The following ALOX5 variants were observed in gnomAD, a reference collection of about 807,000 sequenced individuals.
The protein encoded by ALOX5 is arachidonate 5-lipoxygenase.
ALOX5 carries 64 observed loss-of-function variants against 87.9 expected under a neutral mutation model. That is an observed-to-expected ratio of 0.73 (90% CI 0.60 to 0.90). The LOEUF (loss-of-function observed/expected upper bound fraction) is 0.90, where lower values mean the gene tolerates loss of function less well. Ranked by LOEUF, ALOX5 falls within the 40% of genes least tolerant of loss-of-function variation. The pLI, the probability that ALOX5 is intolerant of heterozygous loss-of-function variation, is 0.00. For synonymous variants in ALOX5, 388 were observed against 355.1 expected, an observed-to-expected ratio of 1.09 and a Z score of -1.04; for missense variants, 822 against 907.5, an observed-to-expected ratio of 0.91 and a Z score of 1.21.
chr10:45,429,145 C>T (rs758704051), intron 7 of ALOX5, among the ~76,000 whole-genome samples: 5 of 152,158 alleles, frequency 3.3e-5, no homozygotes, highest in Non-Finnish European at 7.3e-5. Flanking sequence ...CCAGGCCAGT[C>T]CTGGTATGCC....
intron 3 of ALOX5, among the ~76,000 whole-genome samples, chr10:45,397,319 G>C (rs1840549484): frequency 6.6e-6 from 1 of 152,216 alleles, no homozygotes; most frequent in African/African-American, 2.4e-5. Context: ...GGCGGAGGTT[G>C]CAGTGAGCTG....
intron 3 of ALOX5, among the ~76,000 whole-genome samples, chr10:45,396,457 A>G (rs1229614412): frequency 6.6e-6 from 1 of 152,228 alleles, no homozygotes; most frequent in African/African-American, 2.4e-5. Flanking sequence ...AATACTATGA[A>G]CAATTGCATG....
chr10:45,443,452 C>T lies in ALOX5; in HGVS notation c.1488C>T (p.Gly496=). 6.2e-7 allele frequency: 1 copy of T among 1,611,502 alleles called. No homozygotes were observed. The highest frequency in any genetic ancestry group is 8.5e-7 in the Non-Finnish European group (1 of 1,178,940). ...TAEVVDIYYE[G]DQVVEEDPEL... is the part of the protein sequence containing the mutation. ...AGGTGGTAGACATCTACTACGAGGGCGACCAGGTGGTGGAGGAGGACCCGG... is the reference window on the plus strand; with the variant it reads ...AGGTGGTAGACATCTACTACGAGGGTGACCAGGTGGTGGAGGAGGACCCGG... The change falls in exon 11 of 14, where the codon GGC becomes GGT. Residue 496 remains glycine (G), a synonymous_variant. Coordinates refer to ENST00000374391, the MANE Select transcript of ALOX5 (RefSeq NM_000698.5).
In ALOX5 at chr10:45,444,298, C is replaced by A. The variant is rs1842360831; in HGVS notation, c.1845+12C>A. 1 of 1,545,320 alleles carries A rather than the reference C, an allele frequency of 6.5e-7. No homozygotes were observed. Among genetic ancestry groups the A allele is most frequent in the Non-Finnish European group, 8.7e-7 (1 of 1,143,504 alleles). On this transcript the variant is annotated intron_variant, in intron 13 of 13. Transcript: ENST00000374391. ...TCCAGGAAAACGAGGTGAAGCTGGG[C>A]AGGGCGGGGCACAGCCCCAGGTCAC...
At chr10:45,405,260 C>T (rs1840836436) in intron 3 of ALOX5, among the ~76,000 whole-genome samples, 1 of 152,158 alleles carries the variant, frequency 6.6e-6, no homozygotes, top group Admixed American at 6.5e-5. Flanking sequence ...AATCCTTTCA[C>T]AAAATTGTAT....
chr10:45,377,401 C>A (rs1839656365), intron 1 of ALOX5, among the ~76,000 whole-genome samples: 1 of 151,366 alleles, frequency 6.6e-6, no homozygotes. Flanking sequence ...CCCGTTTCTG[C>A]TCTCTACCCT....
At chr10:45,407,843 A>G (rs1332426037) in intron 3 of ALOX5, among the ~76,000 whole-genome samples, 3 of 152,190 alleles carry the variant, frequency 2.0e-5, no homozygotes, top group Non-Finnish European at 4.4e-5. Flanking sequence ...ACGGTTCACT[A>G]GGAATTTCCT....
At chr10:45,374,623 C>A (rs1422264254) in intron 1 of ALOX5, among the ~76,000 whole-genome samples, 194 bp downstream of exon 1, 1 of 152,150 alleles carries the variant, frequency 6.6e-6, no homozygotes, top group Non-Finnish European at 1.5e-5. Context: ...CCGGTGGGTA[C>A]CCTGGTGGGC....
intron 10 of ALOX5, 71 bp from the exon 11 acceptor site, chr10:45,443,345 G>A (rs1031784148): frequency 1.3e-6 from 2 of 1,591,574 alleles, no homozygotes; most frequent in Non-Finnish European, 1.7e-6. Flanking sequence ...GCGTCCGTGA[G>A]GGGGTTGCCG....
chr10:45,433,698 A>G (rs969834364), intron 7 of ALOX5, among the ~76,000 whole-genome samples: 1 of 152,194 alleles, frequency 6.6e-6, no homozygotes, highest in African/African-American at 2.4e-5. Context: ...TCATAGGTAG[A>G]TTCAAAAATT....
chr10:45,391,723 T>C (rs929380692), intron 2 of ALOX5, among the ~76,000 whole-genome samples: 1 of 150,406 alleles, frequency 6.6e-6, no homozygotes, highest in African/African-American at 2.5e-5. Context: ...TCATCTGAGA[T>C]GTGGGGAGCA....
intron 1 of ALOX5, among the ~76,000 whole-genome samples, chr10:45,379,882 G>C (rs2310776): frequency 0.16 from 25,073 of 152,098 alleles, 2,140 homozygotes; most frequent in South Asian, 0.19. Context: ...AGGGCCCACC[G>C]AGCCTTCTAC....
At chr10:45,421,751 A>G (rs7077173) in intron 4 of ALOX5, among the ~76,000 whole-genome samples, 7,617 of 152,340 alleles carry the variant, frequency 0.05, 267 homozygotes, top group South Asian at 0.099. Context: ...ATCCAAGTGA[A>G]GAAGGTACCA....
At chr10:45,403,328 T>G (rs1289614325) in intron 3 of ALOX5, among the ~76,000 whole-genome samples, 1 of 152,188 alleles carries the variant, frequency 6.6e-6, no homozygotes, top group African/African-American at 2.4e-5. Flanking sequence ...GACGCAGTGT[T>G]GAAGGAAAGA....
chr10:45,427,493 T>G (rs1257164502), intron 6 of ALOX5, among the ~76,000 whole-genome samples: 1 of 152,210 alleles, frequency 6.6e-6, no homozygotes, highest in Non-Finnish European at 1.5e-5. Context: ...GTGGCCAGGC[T>G]CCGAGCTCCT....
chr10:45,430,171 A>G (rs1841861179), intron 7 of ALOX5, among the ~76,000 whole-genome samples: 1 of 152,222 alleles, frequency 6.6e-6, no homozygotes. Flanking sequence ...CTTGGCTCAG[A>G]GATCTCTTGG....
At chr10:45,400,667 T>C (rs1217178852) in intron 3 of ALOX5, among the ~76,000 whole-genome samples, 1 of 152,150 alleles carries the variant, frequency 6.6e-6, no homozygotes, top group Non-Finnish European at 1.5e-5. Flanking sequence ...ACTTCAAAAA[T>C]ATGCTAAATG....
At chr10:45,398,588 A>G (rs890101193) in intron 3 of ALOX5, among the ~76,000 whole-genome samples, 3 of 152,210 alleles carry the variant, frequency 2.0e-5, no homozygotes, top group Admixed American at 6.5e-5. Context: ...TGGAAGAAAT[A>G]TTTACAAATT....
intron 1 of ALOX5, among the ~76,000 whole-genome samples, chr10:45,377,613 C>G (rs997403561): frequency 6.6e-6 from 1 of 152,122 alleles, no homozygotes; most frequent in African/African-American, 2.4e-5. Flanking sequence ...ATAGCCTCCC[C>G]CTCTCTCATC....
Sources: gnomAD v4.1 joint callset for allele counts (sites outside exome capture counted in the v4.1 genomes callset) on GRCh38, gnomAD v4.1.1 for gene constraint, MANE v1.5 for transcripts, NCBI Gene and HGNC (gene_info 2026-07-23, HGNC 2026-07-21) for gene names.